The following RARB variants were observed in gnomAD, a reference collection of about 807,000 sequenced individuals.
The protein encoded by RARB is retinoic acid receptor beta.
RARB carries 17 observed loss-of-function variants against 51.9 expected under a neutral mutation model. That is an observed-to-expected ratio of 0.33 (90% CI 0.22 to 0.49). The LOEUF is 0.49. Among genes scored for constraint, RARB ranks in the 20% least tolerant of loss-of-function variants. The pLI, the probability that RARB is intolerant of heterozygous loss-of-function variation, is 0.99. For missense variants in RARB, 369 were observed against 550.8 expected (o/e 0.67, Z 3.30); for synonymous variants, 215 against 195.4 (o/e 1.10, Z -0.84).
At chr3:24,927,488 G>T (rs1180559869) in intron 2 of RARB, among the ~76,000 whole-genome samples, 1 of 152,072 alleles carries the variant, frequency 6.6e-6, no homozygotes, top group Non-Finnish European at 1.5e-5. Context: ...GATGTATTGA[G>T]ATTGAAAGCT....
chr3:25,202,535 A>C (rs992289233), intron 5 of RARB, among the ~76,000 whole-genome samples: 1 of 152,054 alleles, frequency 6.6e-6, no homozygotes, highest in African/African-American at 2.4e-5. Flanking sequence ...TTAGGGTGTC[A>C]ATTTTAGATC....
intron 5 of RARB, among the ~76,000 whole-genome samples, chr3:25,376,606 C>T (rs1351234279): frequency 1.3e-5 from 2 of 152,222 alleles, no homozygotes; most frequent in Admixed American, 1.3e-4. Flanking sequence ...ACCTACACAA[C>T]TCCCTATCAC....
intron 3 of RARB, chr3:25,555,575 A>T (rs1259229383): frequency 6.6e-6 from 1 of 152,162 alleles, no homozygotes; most frequent in Non-Finnish European, 1.5e-5. Flanking sequence ...TCATGTGTGT[A>T]TCATTTAGTC....
intron 2 of RARB, among the ~76,000 whole-genome samples, chr3:24,894,066 T>C (rs530856316): frequency 3.5e-4 from 53 of 152,346 alleles, no homozygotes; most frequent in Admixed American, 9.1e-4. Flanking sequence ...AATTATTTCC[T>C]ATACATTTTT....
intron 2 of RARB, among the ~76,000 whole-genome samples, chr3:24,938,091 A>AG (rs1245201287): frequency 2.6e-5 from 4 of 152,020 alleles, no homozygotes; most frequent in African/African-American, 4.8e-5. Flanking sequence ...TGATTGTTTG[A>AG]GGGAGGGATG....
chr3:25,092,882 G>A (rs1045251311), intron 3 of RARB, among the ~76,000 whole-genome samples: 1 of 152,128 alleles, frequency 6.6e-6, no homozygotes, highest in Admixed American at 6.6e-5. Flanking sequence ...CATTTAGGAG[G>A]TAGAGAGAGA....
intron 2 of RARB, among the ~76,000 whole-genome samples, chr3:25,490,420 C>T (rs912063373): frequency 9.9e-5 from 15 of 152,180 alleles, no homozygotes; most frequent in African/African-American, 3.6e-4. Flanking sequence ...TTGCCGTCAA[C>T]CAGCATGTTA....
At chr3:25,450,974 C>G (rs980989018) in intron 1 of RARB, among the ~76,000 whole-genome samples, 1 of 152,090 alleles carries the variant, frequency 6.6e-6, no homozygotes, top group Non-Finnish European at 1.5e-5. Flanking sequence ...TTAATTCCAA[C>G]TACTTGGGAG....
Position 25,383,897 on chromosome 3 carries a change from T to A in RARB, c.179-77296T>A, listed in dbSNP as rs796213883. Among the ~76,000 whole-genome samples, 5 of 148,170 alleles carry A rather than the reference T, an allele frequency of 3.4e-5. No homozygotes were observed. The South Asian group carries it at 1.1e-3, about 32-fold the overall frequency. ...GTGAGCTGAGTTCACGCCATTGCAC[T>A]CCAACCTGGGGGACAAGAGTGAGAC... On this transcript the variant is annotated intron_variant, in intron 5 of 11. Transcript: ENST00000383772.
At chr3:24,868,403 A>G (rs1334420912) in intron 2 of RARB, among the ~76,000 whole-genome samples, 1 of 152,172 alleles carries the variant, frequency 6.6e-6, no homozygotes, top group East Asian at 1.9e-4. Context: ...AATACTTTAT[A>G]TATTAACTCT....
chr3:24,976,286 G>A (rs148483683), intron 2 of RARB, among the ~76,000 whole-genome samples: 234 of 152,290 alleles, frequency 1.5e-3, no homozygotes, highest in African/African-American at 5.1e-3. Context: ...TATATACTTA[G>A]TAATGGGATT....
chr3:25,519,475 G>A (rs764835160), intron 3 of RARB, among the ~76,000 whole-genome samples: 1 of 152,200 alleles, frequency 6.6e-6, no homozygotes, highest in Non-Finnish European at 1.5e-5. Flanking sequence ...GGTCTGAAGT[G>A]GTAGCTCATT....
At chr3:25,310,226 A>G (rs1704256708) in intron 5 of RARB, among the ~76,000 whole-genome samples, 1 of 152,172 alleles carries the variant, frequency 6.6e-6, no homozygotes, top group Non-Finnish European at 1.5e-5. Flanking sequence ...TAGTAAGGTG[A>G]GATAGAGCAG....
At chr3:25,556,949 G>A (rs1368097885) in intron 3 of RARB, among the ~76,000 whole-genome samples, 1 of 152,190 alleles carries the variant, frequency 6.6e-6, no homozygotes, top group Non-Finnish European at 1.5e-5. Context: ...CCAAGGGCAA[G>A]GAATAGTTAT....
intron 5 of RARB, among the ~76,000 whole-genome samples, chr3:25,243,756 T>C (rs1322165299): frequency 6.6e-6 from 1 of 152,220 alleles, no homozygotes; most frequent in Admixed American, 6.5e-5. Flanking sequence ...ATCAGGGATA[T>C]TGGCCTGAAA....
intron 2 of RARB, among the ~76,000 whole-genome samples, chr3:24,947,717 A>AT (rs1163972512): frequency 2.0e-5 from 3 of 152,212 alleles, no homozygotes; most frequent in African/African-American, 7.2e-5. Flanking sequence ...GTCTTTAGCC[A>AT]TAGTGTGCGA....
At chr3:25,032,191 A>G (rs370035159) in intron 2 of RARB, among the ~76,000 whole-genome samples, 2 of 152,332 alleles carry the variant, frequency 1.3e-5, no homozygotes, top group African/African-American at 4.8e-5. Flanking sequence ...GACAATAGCC[A>G]TCATTAAAAT....
At chr3:25,272,756 C>A (rs1703284384) in intron 5 of RARB, among the ~76,000 whole-genome samples, 1 of 152,156 alleles carries the variant, frequency 6.6e-6, no homozygotes, top group South Asian at 2.1e-4. Flanking sequence ...GGGTCAGCCA[C>A]AAGTATCAAG....
chr3:25,524,246 A>AG (rs1698538897), intron 3 of RARB, among the ~76,000 whole-genome samples: 1 of 152,202 alleles, frequency 6.6e-6, no homozygotes, highest in Non-Finnish European at 1.5e-5. Context: ...GGACTCCAGA[A>AG]GACGTACAAC....
Sources: gnomAD v4.1 joint callset for allele counts (sites outside exome capture counted in the v4.1 genomes callset) on GRCh38, gnomAD v4.1.1 for gene constraint, MANE v1.5 for transcripts, NCBI Gene and HGNC (gene_info 2026-07-23, HGNC 2026-07-21) for gene names.